Variants in BLOC1S3 observed in about 807,000 individuals in gnomAD.
The protein encoded by BLOC1S3 is biogenesis of lysosome-related organelles complex 1 subunit 3.
A neutral mutation model predicts 9.1 loss-of-function variants in BLOC1S3; 7 were observed. The ratio of observed to expected loss-of-function variants is 0.77; its 90% confidence interval spans 0.44 to 1.45. The LOEUF (loss-of-function observed/expected upper bound fraction) is 1.45. BLOC1S3 is among the 40% of genes most tolerant of loss of function. BLOC1S3 has a pLI of 0.01. For synonymous variants in BLOC1S3, 145 were observed against 158.4 expected, an observed-to-expected ratio of 0.92 and a Z score of 0.64; for missense variants, 307 against 315.2, an observed-to-expected ratio of 0.97 and a Z score of 0.20.
At chr19:45,184,902 A>AC (rs1327474024), downstream of BLOC1S3, among the ~76,000 whole-genome samples, 1 of 132,074 alleles carries the variant, frequency 7.6e-6, no homozygotes, top group African/African-American at 3.1e-5. Flanking sequence ...TCTGTCTCAA[A>AC]CAAAAAAAAA....
chr19:45,202,210 TAAAAAAAAAAAA>T (rs59295257), intron 2 of BLOC1S3, among the ~76,000 whole-genome samples: 552 of 54,946 alleles, frequency 0.01, 12 homozygotes, highest in African/African-American at 0.025. Context: ...AGACTCCATC[TAAAAAAAAAAAA>T]AAAAAAAAAA....
chr19:45,206,460 T>TG (rs1568476455), intron 3 of BLOC1S3, among the ~76,000 whole-genome samples: 3 of 124,590 alleles, frequency 2.4e-5, no homozygotes, highest in South Asian at 5.3e-4. Context: ...GTTTTTTTTT[T>TG]TTTTTTTTTT....
intron 2 of BLOC1S3, among the ~76,000 whole-genome samples, chr19:45,200,442 G>A (rs1969682157): frequency 2.6e-5 from 4 of 151,540 alleles, no homozygotes; most frequent in African/African-American, 9.7e-5. Flanking sequence ...TCGGCCTCCC[G>A]AAATGCTGGG....
intron 2 of BLOC1S3, among the ~76,000 whole-genome samples, chr19:45,199,324 T>G (rs1420767103): frequency 8.3e-6 from 1 of 120,424 alleles, no homozygotes; most frequent in Non-Finnish European, 1.9e-5. Context: ...TTTTTTTTTT[T>G]TTTTTTTTTT....
At chr19:45,200,730 T>C (rs970910111) in intron 2 of BLOC1S3, among the ~76,000 whole-genome samples, 2 of 152,226 alleles carry the variant, frequency 1.3e-5, no homozygotes, top group Non-Finnish European at 2.9e-5. Flanking sequence ...CGTCAATGGC[T>C]GGGCATTGAT....
intron 3 of BLOC1S3, among the ~76,000 whole-genome samples, chr19:45,208,765 A>G (rs1969746473): frequency 1.3e-5 from 2 of 152,086 alleles, no homozygotes; most frequent in Non-Finnish European, 2.9e-5. Context: ...GAAAGAAAAA[A>G]AAAAAAGCCC....
chr19:45,203,139 C>T (rs764849766), intron 3 of BLOC1S3, among the ~76,000 whole-genome samples: 1 of 152,058 alleles, frequency 6.6e-6, no homozygotes, highest in African/African-American at 2.4e-5. Flanking sequence ...TCAAGCACTC[C>T]CTTGGCTGCC....
At chr19:45,185,859 C>A (rs1969562507), downstream of BLOC1S3, among the ~76,000 whole-genome samples, 1 of 151,988 alleles carries the variant, frequency 6.6e-6, no homozygotes, top group Non-Finnish European at 1.5e-5. Flanking sequence ...TGCCTGTAAT[C>A]CCAGGCCTTT....
chr19:45,186,451 T>C (rs1020467533), downstream of BLOC1S3, among the ~76,000 whole-genome samples: 1 of 151,942 alleles, frequency 6.6e-6, no homozygotes, highest in African/African-American at 2.4e-5. Context: ...CAGCCTGTAA[T>C]CCCAGTACTT....
intron 3 of BLOC1S3, among the ~76,000 whole-genome samples, chr19:45,211,265 G>A (rs989575203): frequency 6.6e-6 from 1 of 152,158 alleles, no homozygotes; most frequent in African/African-American, 2.4e-5. Flanking sequence ...GGGAGGCTGA[G>A]GCGGGTAGAT....
At chr19:45,182,038 C>T (rs1472187033), downstream of BLOC1S3, among the ~76,000 whole-genome samples, 8 of 152,296 alleles carry the variant, frequency 5.3e-5, no homozygotes, top group South Asian at 1.4e-3. Flanking sequence ...CACCCAGTCC[C>T]TGCCCTCACA....
chr19:45,179,108 TG>T lies in BLOC1S3; in HGVS notation c.-9-176del. The T allele has an allele frequency of 1.7e-6, 1 of 598,922 alleles. No homozygotes were observed. The highest frequency in any genetic ancestry group is 2.6e-6 in the Non-Finnish European group (1 of 379,800). 37.1% of individuals were successfully genotyped at this position (598,922 alleles called of 1,614,324 possible). A position where few individuals can be genotyped will look rare whatever the true frequency, so the allele number is the denominator to read the frequency against. On this transcript the variant is annotated intron_variant, in intron 1 of 1. Transcript: ENST00000433642. The surrounding 1 kb of genome is among the most constrained non-coding windows in gnomAD (Gnocchi z 4.6). ...TTCCCCATCTGTACGCTGAAGAGCCTGGGGTCCAGTAACCCCCATCATCACC... is the reference window on the plus strand; with the variant it reads ...TTCCCCATCTGTACGCTGAAGAGCCTGGGTCCAGTAACCCCCATCATCACC...
At chr19:45,192,748 G>A (rs539824340) in intron 2 of BLOC1S3, among the ~76,000 whole-genome samples, 10 of 152,262 alleles carry the variant, frequency 6.6e-5, no homozygotes, top group Admixed American at 5.9e-4. Flanking sequence ...TCAGGACCCT[G>A]CTTGGTGCGC....
chr19:45,206,589 G>C (rs1372471465), intron 3 of BLOC1S3, among the ~76,000 whole-genome samples: 1 of 148,656 alleles, frequency 6.7e-6, no homozygotes, highest in Non-Finnish European at 1.5e-5. Context: ...TCCAGTAGCT[G>C]AGACTATAGG....
chr19:45,213,124 G>A (rs1969794534), intron 3 of BLOC1S3: 1 of 1,568,540 alleles, frequency 6.4e-7, no homozygotes, highest in Admixed American at 2.0e-5. Flanking sequence ...AGGCAGACAG[G>A]CCAAACTGGG....
intron 1 of BLOC1S3, chr19:45,187,497 ACC>A (rs1353629688): frequency 6.6e-6 from 1 of 152,290 alleles, no homozygotes; most frequent in African/African-American, 2.4e-5. Context: ...TCGCACACTG[ACC>A]CAGGGCCCTT....
chr19:45,207,209 T>C (rs1490183568), intron 3 of BLOC1S3, among the ~76,000 whole-genome samples: 1 of 151,824 alleles, frequency 6.6e-6, no homozygotes, highest in Non-Finnish European at 1.5e-5. Flanking sequence ...ATCGGCTTAG[T>C]GCAATCTCTG....
At chr19:45,184,903 C>CAAA (rs71338752), downstream of BLOC1S3, among the ~76,000 whole-genome samples, 164 of 48,286 alleles carry the variant, frequency 3.4e-3, 20 homozygotes, top group African/African-American at 0.011. Context: ...CTGTCTCAAA[C>CAAA]AAAAAAAAAA....
rs547303582 is a variant in BLOC1S3, at chr19:45,211,573, G to A, written n.283-5103G>A. ...CAAAGTGAGGAAGGTGCACCCTCAG[G>A]ACATTCTTGCCTCAGCCTGGGGAAA... On this transcript the variant is annotated intron_variant and non_coding_transcript_variant, in intron 3 of 3. Coordinates refer to the BLOC1S3 transcript ENST00000591569. 2.0e-3 allele frequency among the ~76,000 whole-genome samples: 311 copies of A among 151,914 alleles called. 1 individual carries two copies. The highest frequency in any genetic ancestry group is 7.0e-3 in the African/African-American group (290 of 41,458).
Sources: gnomAD v4.1 joint callset for allele counts (sites outside exome capture counted in the v4.1 genomes callset) on GRCh38, gnomAD v4.1.1 for gene constraint, Gnocchi (gnomAD v3.1) non-coding constraint, MANE v1.5 for transcripts, NCBI Gene and HGNC (gene_info 2026-07-23, HGNC 2026-07-21) for gene names.